The following SETBP1 variants were observed in gnomAD, a reference collection of about 807,000 sequenced individuals.
The protein encoded by SETBP1 is SET-binding protein.
In SETBP1, 9 loss-of-function variants were observed where a neutral mutation model predicts 101.0. The observed-to-expected ratio is 0.09, with a 90% CI of 0.05 to 0.16. SETBP1 has a LOEUF of 0.16. Among genes scored for constraint, SETBP1 ranks in the 10% least tolerant of loss-of-function variants. The pLI is 1.00. For synonymous variants in SETBP1, 818 were observed against 788.5 expected (o/e 1.04, Z -0.63); for missense variants, 1,858 against 2,033.8 (o/e 0.91, Z 1.66).
intron 3 of SETBP1, among the ~76,000 whole-genome samples, chr18:44,878,663 T>C (rs1467292568): frequency 1.3e-5 from 2 of 152,224 alleles, no homozygotes; most frequent in African/African-American, 2.4e-5. Context: ...CTCTTCAGGA[T>C]GGAAGAGGCC....
chr18:44,986,941 ATTG>A (rs1568011136), intron 4 of SETBP1: 239 of 17,518 alleles, frequency 0.014, no homozygotes, highest in African/African-American at 0.054. Context: ...ATAGTATAGT[ATTG>A]TATTGTATTG....
chr18:44,920,895 C>A (rs1437482799), intron 3 of SETBP1, among the ~76,000 whole-genome samples: 1 of 152,218 alleles, frequency 6.6e-6, no homozygotes, highest in African/African-American at 2.4e-5. Flanking sequence ...GCCCTGCCAT[C>A]ATTCTTCAAT....
chr18:44,750,593 G>T (rs1378544006), intron 2 of SETBP1, among the ~76,000 whole-genome samples: 1 of 152,110 alleles, frequency 6.6e-6, no homozygotes, highest in Non-Finnish European at 1.5e-5. Flanking sequence ...GATGTTTTAG[G>T]GTCCAAGTAT....
chr18:45,007,165 G>C (rs111647689), intron 4 of SETBP1, among the ~76,000 whole-genome samples: 1 of 152,114 alleles, frequency 6.6e-6, no homozygotes, highest in African/African-American at 2.4e-5. Context: ...CTGAGCTAAC[G>C]ACTTGCCTGG....
chr18:44,862,120 G>C (rs148705400), intron 2 of SETBP1, among the ~76,000 whole-genome samples: 3,754 of 152,264 alleles, frequency 0.025, 82 homozygotes, highest in South Asian at 0.064. Flanking sequence ...AAGAGTATGG[G>C]TTGTATGTGC....
chr18:44,984,467 G>T (rs1455919507), intron 4 of SETBP1, among the ~76,000 whole-genome samples: 1 of 152,164 alleles, frequency 6.6e-6, no homozygotes, highest in African/African-American at 2.4e-5. Context: ...CTGACAGGAG[G>T]CGGAGCTCAG....
intron 2 of SETBP1, among the ~76,000 whole-genome samples, chr18:44,841,906 C>T (rs2072625361): frequency 6.6e-6 from 1 of 152,134 alleles, no homozygotes; most frequent in Admixed American, 6.5e-5. Context: ...TATAATTTTC[C>T]CCGAAGGCTT....
At chr18:45,062,455 C>A (rs758473657) in intron 5 of SETBP1, among the ~76,000 whole-genome samples, 2 of 152,164 alleles carry the variant, frequency 1.3e-5, no homozygotes, top group Non-Finnish European at 2.9e-5. Flanking sequence ...GCCATGATAA[C>A]TAGAGTGCTC....
chr18:44,717,546 C>A (rs566213703), intron 2 of SETBP1, among the ~76,000 whole-genome samples: 5 of 152,356 alleles, frequency 3.3e-5, no homozygotes, highest in Admixed American at 3.3e-4. Flanking sequence ...TGCACATACT[C>A]CCATGTCTAC....
At position 44,837,195 on chromosome 18, in the gene SETBP1, T is replaced by G. The variant is rs2072516127; in HGVS notation, c.487-32035T>G. Among the ~76,000 whole-genome samples, 2 of 152,186 alleles carry G rather than the reference T, an allele frequency of 1.3e-5. 1 individual carries two copies. Among genetic ancestry groups the G allele is most frequent in the South Asian group, 4.1e-4 (2 of 4,828 alleles). ...GCAGTCTTTGCTATGCACTCCTTTT[T>G]TCAGCTGACACTGTCCATATAAGGC... On this transcript the variant is annotated intron_variant, in intron 2 of 5. Coordinates refer to ENST00000649279, the MANE Select transcript of SETBP1 (RefSeq NM_015559.3).
chr18:44,962,416 C>A (rs1333861671), intron 4 of SETBP1, among the ~76,000 whole-genome samples: 1 of 152,058 alleles, frequency 6.6e-6, no homozygotes, highest in Non-Finnish European at 1.5e-5. Flanking sequence ...AGGGAAGATA[C>A]AATTGATGCT....
chr18:44,961,611 AAC>A, intron 4 of SETBP1, among the ~76,000 whole-genome samples: 1 of 152,324 alleles, frequency 6.6e-6, no homozygotes, highest in South Asian at 2.1e-4. Context: ...TAGGAGCAGA[AAC>A]ACAATGCCAG....
At chr18:44,971,389 C>G (rs1376444664) in intron 4 of SETBP1, among the ~76,000 whole-genome samples, 1 of 151,990 alleles carries the variant, frequency 6.6e-6, no homozygotes, top group Admixed American at 6.6e-5. Context: ...GGGTATATAC[C>G]CAGAAATGGG....
At chr18:44,740,959 C>G (rs1342182019) in intron 2 of SETBP1, among the ~76,000 whole-genome samples, 2 of 152,062 alleles carry the variant, frequency 1.3e-5, no homozygotes, top group African/African-American at 4.8e-5. Context: ...AATATGGAGG[C>G]CTGCTATATC....
At chr18:45,021,431 C>A (rs780564237) in intron 4 of SETBP1, among the ~76,000 whole-genome samples, 11 of 152,214 alleles carry the variant, frequency 7.2e-5, no homozygotes, top group Non-Finnish European at 1.5e-4. Flanking sequence ...TGGTTTCTAT[C>A]TGCATATCTG....
chr18:44,792,860 G>GA lies in SETBP1; in HGVS notation c.487-76358dup, dbSNP rs369042925. Among the ~76,000 whole-genome samples the GA allele has an allele frequency of 1.2e-3, 175 of 144,016 alleles. 1 individual carries two copies. Among genetic ancestry groups the GA allele is most frequent in the African/African-American group, 2.3e-3 (91 of 39,428 alleles). 94.5% of individuals were successfully genotyped at this position (144,016 alleles called of 152,430 possible). On this transcript the variant is annotated intron_variant, in intron 2 of 5. Transcript: ENST00000649279. Reference sequence around the variant, plus strand: ...ATTCCTGGTATAGCATAATCTAGGAGAAAAAAAAAAAAGTTTATCCCAGGG... The same window carrying GA: ...ATTCCTGGTATAGCATAATCTAGGAGAAAAAAAAAAAAAGTTTATCCCAGGG...
chr18:44,942,608 G>C (rs2071111366), intron 3 of SETBP1, among the ~76,000 whole-genome samples: 1 of 152,142 alleles, frequency 6.6e-6, no homozygotes, highest in African/African-American at 2.4e-5. Flanking sequence ...AACCTCGTGA[G>C]TTTCCCTTCT....
chr18:44,855,567 C>A (rs565528622), intron 2 of SETBP1, among the ~76,000 whole-genome samples: 1 of 152,222 alleles, frequency 6.6e-6, no homozygotes, highest in Non-Finnish European at 1.5e-5. Context: ...GGGGCCAACT[C>A]ATGCTAGGTG....
At chr18:44,705,016 T>G (rs189561910) in intron 2 of SETBP1, among the ~76,000 whole-genome samples, 1 of 152,258 alleles carries the variant, frequency 6.6e-6, no homozygotes, top group African/African-American at 2.4e-5. Context: ...ATATATGTGC[T>G]GACTTTGAGC....
Sources: allele counts gnomAD v4.1 joint callset (sites outside exome capture counted in the v4.1 genomes callset), GRCh38; gene constraint gnomAD v4.1.1; transcripts MANE v1.5; gene names NCBI Gene and HGNC (gene_info 2026-07-23, HGNC 2026-07-21).